Variants in F7 observed in about 807,000 individuals in gnomAD.
F7 encodes FVII coagulation protein.
F7 carries 38 observed loss-of-function variants against 47.5 expected under a neutral mutation model. That is an observed-to-expected ratio of 0.80 (90% confidence interval 0.62 to 1.05). The LOEUF (loss-of-function observed/expected upper bound fraction) is 1.05. Among genes scored for constraint, F7 ranks in the 50% least tolerant of loss-of-function variants. The pLI, the probability that F7 is intolerant of heterozygous loss-of-function variation, is 0.00. For missense variants in F7, 575 were observed against 605.4 expected (o/e 0.95, Z 0.53); for synonymous variants, 244 against 258.5 (o/e 0.94, Z 0.54).
Position 113,119,237 on chromosome 13 carries a change from G to A in F7, c.*229G>A, listed in dbSNP as rs2036258096. 1 of 580,614 alleles carries A rather than the reference G, an allele frequency of 1.7e-6. No homozygotes were observed. Among genetic ancestry groups the A allele is most frequent in the African/African-American group, 1.9e-5 (1 of 53,534 alleles). The allele number at this position is 580,614 out of a possible 1,614,324, so 36.0% of individuals were successfully genotyped here. ...TCAAAGAGACTCCAAGATTCAAAGA[G>A]ACTAATAGAGACACAGAGATGGAAT... On this transcript the variant is annotated 3_prime_UTR_variant, in exon 8 of 8. Transcript: ENST00000346342.
intron 1 of F7, among the ~76,000 whole-genome samples, chr13:113,109,594 G>C (rs1182638780): frequency 6.6e-6 from 1 of 152,192 alleles, no homozygotes; most frequent in Non-Finnish European, 1.5e-5. Flanking sequence ...CCGGCCCACA[G>C]CGTCCACCTG....
At chr13:113,115,488 C>T (rs72663561) in intron 4 of F7, among the ~76,000 whole-genome samples, 172 bp from the exon 5 acceptor site, 284 of 152,314 alleles carry the variant, frequency 1.9e-3, no homozygotes, top group Middle Eastern at 3.4e-3. Context: ...CACGCCTTGT[C>T]CTTTGGATCA....
At position 113,105,865 on chromosome 13, in the gene F7, C is replaced by A; in HGVS notation, c.24C>A (p.Leu8=). The A allele has an allele frequency of 6.3e-7, 1 of 1,591,326 alleles. No homozygotes were observed. Among genetic ancestry groups the A allele is most frequent in the Non-Finnish European group, 8.6e-7 (1 of 1,169,568 alleles). ...TCATGGTCTCCCAGGCCCTCAGGCT[C>A]CTCTGCCTTCTGCTTGGGCTTCAGG... is the stretch of plus-strand genomic sequence containing the variant. MVSQALR[L]LCLLLGLQGC... Residue 8 remains leucine (L), a synonymous_variant, in exon 1 of 8, where the codon CTC becomes CTA. Coordinates refer to ENST00000346342, the MANE Select transcript of F7 (RefSeq NM_019616.4).
intron 1 of F7, among the ~76,000 whole-genome samples, chr13:113,108,734 C>CA (rs2036024115): frequency 9.9e-6 from 1 of 100,834 alleles, no homozygotes; most frequent in Non-Finnish European, 2.0e-5. Flanking sequence ...GTGGGTGTCC[C>CA]GGGAGTGTGG....
In F7 at chr13:113,113,694, A is replaced by C. The variant is rs2036144215; in HGVS notation, c.226-58A>C. On this transcript the variant is annotated intron_variant, in intron 2 of 7. Coordinates refer to ENST00000346342, the MANE Select transcript of F7 (RefSeq NM_019616.4). This position sits in a 1 kb window ranked among gnomAD's most constrained non-coding sequence, Gnocchi z 4.1. ...CCAGTTCATGGTGTGTCCAGTGCTT[A>C]CCGTTGGGTGCTCTGGTGAAGGTGC... is the stretch of plus-strand genomic sequence containing the variant. 3 of 1,550,934 alleles carry C rather than the reference A, an allele frequency of 1.9e-6. No individual in the cohort carries two copies. Among genetic ancestry groups the C allele is most frequent in the Non-Finnish European group, 1.8e-6 (2 of 1,122,520 alleles).
chr13:113,115,737 C>A lies in F7; in HGVS notation c.442C>A (p.Arg148Ser), dbSNP rs779834113. Residue 148 changes from arginine (R) to serine (S), a missense_variant, in exon 5 of 8, where the codon CGC becomes AGC. Physicochemically the swap from Arg to Ser is moderately radical, Grantham distance 110 (BLOSUM62 -1). Transcript: ENST00000346342. The stretch of plus-strand genomic sequence containing the variant: ...CTGCAGTGACCACACGGGCACCAAG[C>A]GCTCCTGTCGGTGCCACGAGGGGTA... ...QYCSDHTGTK[R>S]SCRCHEGYSL... 5 of 1,613,106 alleles carry A rather than the reference C, an allele frequency of 3.1e-6. No homozygotes were observed. Among genetic ancestry groups the A allele is most frequent in the Non-Finnish European group, 4.2e-6 (5 of 1,180,000 alleles).
intron 1 of F7, chr13:113,107,061 C>G (rs1389556171): frequency 1.5e-5 from 13 of 839,694 alleles, no homozygotes; most frequent in Middle Eastern, 3.1e-4. Context: ...AGTGACCGCT[C>G]CAGCTTGGCC....
chr13:113,106,787 G>A, intron 1 of F7: 7 of 1,516,236 alleles, frequency 4.6e-6, no homozygotes, highest in Non-Finnish European at 6.3e-6. Context: ...CTGGGATGTG[G>A]GGCTGCAGCC....
rs2036247547 is a variant in F7, at chr13:113,118,819, T to C, written c.1146T>C (p.Ser382=). Residue 382 remains serine (S), a synonymous_variant, in exon 8 of 8, where the codon AGT becomes AGC. Coordinates refer to ENST00000346342, the MANE Select transcript of F7 (RefSeq NM_019616.4). The part of the protein sequence containing the change: ...DGSKDSCKGD[S]GGPHATHYRG... ...GCAAGGACTCCTGCAAGGGGGACAG[T>C]GGAGGCCCACATGCCACCCACTACC... 1 of 1,612,804 alleles carries C rather than the reference T, an allele frequency of 6.2e-7. No individual in the cohort carries two copies. Among genetic ancestry groups the C allele is most frequent in the Non-Finnish European group, 8.5e-7 (1 of 1,179,948 alleles).
At chr13:113,109,414 C>T (rs1266345000) in intron 1 of F7, among the ~76,000 whole-genome samples, 8 of 152,138 alleles carry the variant, frequency 5.3e-5, no homozygotes, top group African/African-American at 1.9e-4. Flanking sequence ...AGCCTCCTTC[C>T]AAACCAGACC....
At chr13:113,107,842 G>C (rs1481851997) in intron 1 of F7, among the ~76,000 whole-genome samples, 3 of 78,808 alleles carry the variant, frequency 3.8e-5, no homozygotes, top group Non-Finnish European at 8.2e-5. Flanking sequence ...GGGGGCGTGG[G>C]TGTCCCGGGG....
chr13:113,106,127 T>C (rs1263021676), intron 1 of F7, among the ~76,000 whole-genome samples: 1 of 149,490 alleles, frequency 6.7e-6, no homozygotes, highest in Non-Finnish European at 1.5e-5. Context: ...GGATTATTTT[T>C]CAAAGAACTT....
intron 1 of F7, among the ~76,000 whole-genome samples, chr13:113,106,668 AG>A (rs2142199033): frequency 2.3e-5 from 1 of 43,452 alleles, no homozygotes. Context: ...GGGAATGGTG[AG>A]TGGGGCATGG....
In F7 at chr13:113,118,357, CA is replaced by C. The variant is rs1313753743; in HGVS notation, c.740-55del. The C allele has an allele frequency of 2.0e-5, 31 of 1,533,500 alleles. No homozygotes were observed. In the Admixed American group the frequency reaches 4.5e-4, roughly 22 times the overall value. 95.0% of individuals were successfully genotyped at this position (1,533,500 alleles called of 1,614,324 possible). The stretch of plus-strand genomic sequence containing the variant: ...ATGGCCACAGCCCATCCCCATGCAC[CA>C]GGGGGTGAGGTGGCAGGTGGTGGAA... On this transcript the variant is annotated intron_variant, in intron 7 of 7. Transcript: ENST00000346342.
At chr13:113,107,374 GAGGCGAGGGTGTCCC>G (rs1566904978) in intron 1 of F7, among the ~76,000 whole-genome samples, 12 of 30,354 alleles carry the variant, frequency 4.0e-4, no homozygotes, top group African/African-American at 7.6e-4. Flanking sequence ...GGGTGTCCCG[GAGGCGAGGGTGTCCC>G]GGGAGTGTGG....
At position 113,115,854 on chromosome 13, in the gene F7, G is replaced by A. The variant is rs890253603; in HGVS notation, c.505+54G>A. The A allele has an allele frequency of 2.9e-5, 47 of 1,610,178 alleles. No homozygotes were observed. The East Asian group carries it at 3.8e-4, about 13-fold the overall frequency. ...ATGACACCAGTCCCTGTCCCACTAC[G>A]GATTATCTTACTGGACAAAAGACGG... On this transcript the variant is annotated intron_variant, in intron 5 of 7. Coordinates refer to ENST00000346342, the MANE Select transcript of F7 (RefSeq NM_019616.4).
At chr13:113,108,513 G>A (rs111567945) in intron 1 of F7, among the ~76,000 whole-genome samples, 5,933 of 6,600 alleles carry the variant, frequency 0.9, 2,758 homozygotes, top group Middle Eastern at 1. Flanking sequence ...AGGGTGTCCC[G>A]GGAGCGTGGG....
chr13:113,119,099 T>A lies in F7; in HGVS notation c.*91T>A. ...ATATATTCTTCTGCAGTTAATGGGG[T>A]AGAGGAGGGCATGGGAGGGAGGGAG... On this transcript the variant is annotated 3_prime_UTR_variant, in exon 8 of 8. Coordinates refer to ENST00000346342, the MANE Select transcript of F7 (RefSeq NM_019616.4). The A allele has an allele frequency of 8.5e-7, 1 of 1,177,768 alleles. No homozygotes were observed. The highest frequency in any genetic ancestry group is 1.5e-5 in the African/African-American group (1 of 65,786). The allele number at this position is 1,177,768 out of a possible 1,614,324, so 73.0% of individuals were successfully genotyped here. A position where few individuals can be genotyped will look rare whatever the true frequency, so the allele number is the denominator to read the frequency against.
chr13:113,119,339 C>A lies in F7; in HGVS notation c.*331C>A. On this transcript the variant is annotated 3_prime_UTR_variant, in exon 8 of 8. Coordinates refer to ENST00000346342, the MANE Select transcript of F7 (RefSeq NM_019616.4). The stretch of plus-strand genomic sequence containing the variant: ...GTGCCAAGGTTGTCCTGGAGGCAGA[C>A]AGCCCAGCTGAGCCTCCTTACCTCC... The A allele has an allele frequency of 2.7e-6, 1 of 368,444 alleles. No homozygotes were observed. Among genetic ancestry groups the A allele is most frequent in the Non-Finnish European group, 5.0e-6 (1 of 200,364 alleles). 22.8% of individuals were successfully genotyped at this position (368,444 alleles called of 1,614,324 possible). A position where few individuals can be genotyped will look rare whatever the true frequency, so the allele number is the denominator to read the frequency against.
Sources: gnomAD v4.1 joint callset for allele counts (sites outside exome capture counted in the v4.1 genomes callset) on GRCh38, gnomAD v4.1.1 for gene constraint, Gnocchi (gnomAD v3.1) non-coding constraint, MANE v1.5 for transcripts, NCBI Gene and HGNC (gene_info 2026-07-23, HGNC 2026-07-21) for gene names.